Variants in IGSF21 observed in about 807,000 individuals in gnomAD.
The protein encoded by IGSF21 is immunoglobin superfamily member 21, also known as immunoglobulin superfamily member 21.
Under a neutral mutation model 46.8 loss-of-function variants are expected in IGSF21, and 28 were observed. The observed-to-expected ratio is 0.60, with a 90% confidence interval of 0.44 to 0.82. The LOEUF is 0.82. Among genes scored for constraint, IGSF21 ranks in the 40% least tolerant of loss-of-function variants. The pLI, the probability that IGSF21 is intolerant of heterozygous loss-of-function variation, is 0.00. For synonymous variants in IGSF21, 284 were observed against 273.6 expected (o/e 1.04, Z -0.38); for missense variants, 624 against 665.5 (o/e 0.94, Z 0.69).
chr1:18,173,979 C>A (rs1280156385), intron 1 of IGSF21, among the ~76,000 whole-genome samples: 2 of 152,220 alleles, frequency 1.3e-5, no homozygotes, highest in Non-Finnish European at 2.9e-5. Context: ...GTCTTGAACT[C>A]CTGACCTCGG....
chr1:18,368,051 G>A (rs1270151307), intron 6 of IGSF21, among the ~76,000 whole-genome samples: 1 of 152,084 alleles, frequency 6.6e-6, no homozygotes, highest in African/African-American at 2.4e-5. Context: ...TGTCACAGAG[G>A]AGGAAGCTGA....
At chr1:18,227,800 T>C in intron 1 of IGSF21, 98 bp from the exon 2 acceptor site, 2 of 829,670 alleles carry the variant, frequency 2.4e-6, no homozygotes, top group Non-Finnish European at 4.1e-6. Flanking sequence ...ACCCCAAACT[T>C]CCCTCCTCTG....
chr1:18,118,411 G>C (rs1013484935), intron 1 of IGSF21, among the ~76,000 whole-genome samples: 1 of 152,210 alleles, frequency 6.6e-6, no homozygotes, highest in African/African-American at 2.4e-5. Context: ...CTGGAGGGTG[G>C]GTAGCTGTGG....
rs1373865735 is a variant in IGSF21 at position 18,322,863 on chromosome 1, G to T, written c.306-12029G>T. ...GGAGAGGAAGCCGGTGGAGAAGAGC[G>T]GGAGATGTCGGAATGGGTGAAGGGG... On this transcript the variant is annotated intron_variant, in intron 3 of 9. Transcript: ENST00000251296. The surrounding 1 kb of genome is among the most constrained non-coding windows in gnomAD (Gnocchi z 4.3). Among the ~76,000 whole-genome samples the T allele has an allele frequency of 6.6e-6, 1 of 152,160 alleles. No individual in the cohort carries two copies. The highest frequency in any genetic ancestry group is 1.5e-5 in the Non-Finnish European group (1 of 68,034).
At chr1:18,272,752 C>T (rs930119424) in intron 2 of IGSF21, among the ~76,000 whole-genome samples, 4 of 152,236 alleles carry the variant, frequency 2.6e-5, no homozygotes, top group Admixed American at 2.0e-4. Flanking sequence ...AAGCCTCTCA[C>T]AGTCTTGCCC....
intron 5 of IGSF21, among the ~76,000 whole-genome samples, chr1:18,364,982 G>A (rs1023006668): frequency 1.3e-5 from 2 of 152,180 alleles, no homozygotes; most frequent in East Asian, 3.9e-4. Context: ...AACCTCATCA[G>A]TTGGTAAATG....
intron 2 of IGSF21, among the ~76,000 whole-genome samples, chr1:18,259,351 C>T (rs223188): frequency 0.18 from 27,646 of 152,080 alleles, 2,861 homozygotes; most frequent in African/African-American, 0.27. Flanking sequence ...AGAAAGAAAG[C>T]CACCATGAAC....
chr1:18,262,078 G>A lies in IGSF21; in HGVS notation c.184-29788G>A, dbSNP rs567139219. 1.4e-3 allele frequency among the ~76,000 whole-genome samples: 217 copies of A among 152,284 alleles called. 1 individual carries two copies. Among genetic ancestry groups the A allele is most frequent in the African/African-American group, 4.7e-3 (194 of 41,560 alleles). Reference sequence around the variant, plus strand: ...ACCTCCAGAGAGTCTGATTCAGCAGGTCTGGGGCGGGACTCAAGAATTTGC... The same window carrying A: ...ACCTCCAGAGAGTCTGATTCAGCAGATCTGGGGCGGGACTCAAGAATTTGC... On this transcript the variant is annotated intron_variant, in intron 2 of 9. Transcript: ENST00000251296.
At chr1:18,134,187 T>A (rs955149206) in intron 1 of IGSF21, among the ~76,000 whole-genome samples, 4 of 152,116 alleles carry the variant, frequency 2.6e-5, no homozygotes, top group African/African-American at 9.7e-5. Flanking sequence ...AGGAAAACCA[T>A]CTTCTGTGGC....
In IGSF21 at chr1:18,290,628, C is replaced by T. The variant is rs1015734445; in HGVS notation, c.184-1238C>T. 1.1e-4 allele frequency among the ~76,000 whole-genome samples: 16 copies of T among 152,334 alleles called. No homozygotes were observed. Among genetic ancestry groups the T allele is most frequent in the African/African-American group, 3.8e-4 (16 of 41,582 alleles). ...GTCTCTCCTAAACCAGTAGCAACAC[C>T]ACCTAGGTCAGAGAGATGTGGTCCA... On this transcript the variant is annotated intron_variant, in intron 2 of 9. Transcript: ENST00000251296. This position sits in a 1 kb window ranked among gnomAD's most constrained non-coding sequence, Gnocchi z 4.2.
intron 3 of IGSF21, among the ~76,000 whole-genome samples, chr1:18,323,587 T>C (rs890130844): frequency 2.0e-5 from 3 of 151,962 alleles, no homozygotes; most frequent in African/African-American, 7.3e-5. Context: ...TTAAGAGACG[T>C]CTATGGCAGG....
intron 4 of IGSF21, among the ~76,000 whole-genome samples, chr1:18,346,985 C>A (rs1440528817): frequency 2.0e-5 from 3 of 152,186 alleles, no homozygotes; most frequent in Non-Finnish European, 4.4e-5. Flanking sequence ...CACGGACCTC[C>A]CAGCCAGCTG....
intron 1 of IGSF21, among the ~76,000 whole-genome samples, chr1:18,131,523 T>G (rs980197133): frequency 2.0e-5 from 3 of 152,248 alleles, no homozygotes; most frequent in African/African-American, 7.2e-5. Flanking sequence ...TTTTATCTCT[T>G]TGTTCACTTA....
intron 1 of IGSF21, among the ~76,000 whole-genome samples, chr1:18,142,201 T>C (rs1012842294): frequency 1.1e-4 from 16 of 152,268 alleles, no homozygotes; most frequent in African/African-American, 3.6e-4. Flanking sequence ...TAGCAATCCG[T>C]ATCAGGACAA....
chr1:18,339,508 G>T (rs906056275), intron 4 of IGSF21, among the ~76,000 whole-genome samples: 1 of 152,174 alleles, frequency 6.6e-6, no homozygotes, highest in Non-Finnish European at 1.5e-5. Context: ...GAGGTGGGTG[G>T]ATCTCTTGAG....
chr1:18,144,024 C>T (rs1443601510), intron 1 of IGSF21, among the ~76,000 whole-genome samples: 1 of 152,170 alleles, frequency 6.6e-6, no homozygotes, highest in African/African-American at 2.4e-5. Context: ...AGACTGTCTC[C>T]CTGCATCAGA....
chr1:18,201,255 T>G (rs2087071401), intron 1 of IGSF21, among the ~76,000 whole-genome samples: 1 of 151,716 alleles, frequency 6.6e-6, no homozygotes. Context: ...TCCCTGGAGG[T>G]CAGGCTTTAA....
rs572868186 is a variant in IGSF21, at chr1:18,311,481, G to A, written c.305+19494G>A. 3.1e-4 allele frequency among the ~76,000 whole-genome samples: 47 copies of A among 152,270 alleles called. No homozygotes were observed. In the South Asian group the frequency reaches 6.4e-3, roughly 21 times the overall value. On this transcript the variant is annotated intron_variant, in intron 3 of 9. Transcript: ENST00000251296. ...TGAAGGCTGCAGGCTCTGGAGCGGC[G>A]GAGCTGGTCTTTGAAACCATGTGAA... is the stretch of plus-strand genomic sequence containing the variant.
chr1:18,207,162 C>T (rs901905518), intron 1 of IGSF21, among the ~76,000 whole-genome samples: 4 of 152,136 alleles, frequency 2.6e-5, no homozygotes, highest in African/African-American at 9.7e-5. Flanking sequence ...TGTAGACTGC[C>T]TGCATTTTTC....
Sources: allele counts gnomAD v4.1 joint callset (sites outside exome capture counted in the v4.1 genomes callset), GRCh38; gene constraint gnomAD v4.1.1; non-coding constraint Gnocchi (gnomAD v3.1); transcripts MANE v1.5; gene names NCBI Gene and HGNC (gene_info 2026-07-23, HGNC 2026-07-21).